The following CD2AP variants were observed in gnomAD, a reference collection of about 807,000 sequenced individuals.
CD2AP encodes the protein CD2 associated protein.
CD2AP carries 46 observed loss-of-function variants against 85.1 expected under a neutral mutation model. The observed-to-expected ratio is 0.54, with a 90% CI of 0.43 to 0.69. CD2AP has a LOEUF of 0.69. CD2AP is among the 30% of genes least tolerant of loss of function. The pLI is 0.00. For synonymous variants in CD2AP, 255 were observed against 252.9 expected, an observed-to-expected ratio of 1.01 and a Z score of -0.08; for missense variants, 769 against 729.5, an observed-to-expected ratio of 1.05 and a Z score of -0.62.
chr6:47,509,149 G>A (rs1478922419), intron 2 of CD2AP, among the ~76,000 whole-genome samples: 1 of 152,008 alleles, frequency 6.6e-6, no homozygotes, highest in African/African-American at 2.4e-5. Flanking sequence ...GGAGCCCTGA[G>A]GAGTGGGAAA....
At chr6:47,509,453 T>A (rs1406411255) in intron 2 of CD2AP, among the ~76,000 whole-genome samples, 2 of 136,824 alleles carry the variant, frequency 1.5e-5, no homozygotes, top group Non-Finnish European at 3.3e-5. Flanking sequence ...AAAAAAAAAA[T>A]TCAGTTATTT....
At chr6:47,578,717 T>C (rs886103418) in intron 8 of CD2AP, among the ~76,000 whole-genome samples, 2 of 151,400 alleles carry the variant, frequency 1.3e-5, no homozygotes, top group East Asian at 3.9e-4. Context: ...GCAGTGGTGG[T>C]GTGATCTCGG....
chr6:47,610,971 A>ATATATATATATCTATATATATATATTT, intron 16 of CD2AP, among the ~76,000 whole-genome samples: 1 of 112,908 alleles, frequency 8.9e-6, no homozygotes, highest in African/African-American at 3.6e-5. Context: ...ATATATATGT[A>ATATATATATATCTATATATATATATTT]TTTTTTTTTT....
Position 47,533,726 on chromosome 6 carries a change from C to A in CD2AP, c.290C>A (p.Pro97Gln). The change falls in exon 3 of 18, where the codon CCA becomes CAA. Residue 97 changes from proline to glutamine, a missense_variant. Pro to Gln is a moderately conservative substitution (Grantham distance 76, BLOSUM62 -1). Transcript: ENST00000359314. ...GGACTTCCAGCTGGAGGAATTCAGC[C>A]ACATCCACAAACCAAAAACATTAAG... ...TYGLPAGGIQ[P>Q]HPQTKNIKKK... 6.2e-7 allele frequency: 1 copy of A among 1,614,006 alleles called. No homozygotes were observed. The highest frequency in any genetic ancestry group is 8.5e-7 in the Non-Finnish European group (1 of 1,179,972).
At chr6:47,484,147 C>T (rs9296558) in intron 1 of CD2AP, among the ~76,000 whole-genome samples, 35,199 of 151,758 alleles carry the variant, frequency 0.23, 4,208 homozygotes, top group Non-Finnish European at 0.27. Context: ...TTTTGGCTTA[C>T]GTTAGGTAGA....
Position 47,503,922 on chromosome 6 carries a change from C to T in CD2AP, c.165+482C>T, listed in dbSNP as rs139919991. 2.8e-4 allele frequency among the ~76,000 whole-genome samples: 42 copies of T among 152,276 alleles called. No homozygotes were observed. In the East Asian group the frequency reaches 6.7e-3, roughly 24 times the overall value. ...GAACTGAAGTCTGGGACAGTTGCCT[C>T]GCTGGTCTTCTCATTATATTTTGTT... On this transcript the variant is annotated intron_variant, in intron 2 of 17. Coordinates refer to ENST00000359314, the MANE Select transcript of CD2AP (RefSeq NM_012120.3).
intron 1 of CD2AP, among the ~76,000 whole-genome samples, chr6:47,496,134 C>G (rs1582475804): frequency 6.6e-6 from 1 of 152,118 alleles, no homozygotes; most frequent in Non-Finnish European, 1.5e-5. Flanking sequence ...TCTCAGAGAA[C>G]ATCCATCAGA....
chr6:47,490,488 G>A (rs1288071079), intron 1 of CD2AP, among the ~76,000 whole-genome samples: 1 of 152,014 alleles, frequency 6.6e-6, no homozygotes, highest in Non-Finnish European at 1.5e-5. Flanking sequence ...GATGAAGAAT[G>A]ATAATATTTA....
rs900180348 is a variant in CD2AP at position 47,533,704 on chromosome 6, C to A, written c.268C>A (p.Leu90Ile). 6.2e-7 allele frequency: 1 copy of A among 1,614,108 alleles called. No homozygotes were observed. The highest frequency in any genetic ancestry group is 1.3e-5 in the African/African-American group (1 of 75,062). ...TGTACAACGAATAAGCACCTATGGA[C>A]TTCCAGCTGGAGGAATTCAGCCACA... Reference protein sequence around the residue: ...SLVQRISTYGLPAGGIQPHPQ... With the variant: ...SLVQRISTYGIPAGGIQPHPQ... The change falls in exon 3 of 18, where the codon CTT (leucine) becomes ATT (isoleucine). Residue 90 changes from leucine to isoleucine, a missense_variant. Physicochemically the swap from Leu to Ile is conservative, Grantham distance 5 (BLOSUM62 2). Transcript: ENST00000359314.
rs1236227057 is a variant in CD2AP at position 47,615,812 on chromosome 6, T to A, written c.1878+3276T>A. ...AATTTAATTTATTTATTTATTTATT[T>A]ATTTATTTATTTATTTATTAGCAGT... is the stretch of plus-strand genomic sequence containing the variant. On this transcript the variant is annotated intron_variant, in intron 17 of 17. Coordinates refer to ENST00000359314, the MANE Select transcript of CD2AP (RefSeq NM_012120.3). 7.4e-3 allele frequency among the ~76,000 whole-genome samples: 1,110 copies of A among 149,134 alleles called. 4 individuals are homozygous for A. The highest frequency in any genetic ancestry group is 0.018 in the South Asian group (86 of 4,710).
At chr6:47,585,130 AAAAAT>A (rs1272389829) in intron 11 of CD2AP, among the ~76,000 whole-genome samples, 1 of 151,632 alleles carries the variant, frequency 6.6e-6, no homozygotes, top group African/African-American at 2.4e-5. Flanking sequence ...CGTCTCTACT[AAAAAT>A]AAAATAAAAA....
intron 15 of CD2AP, among the ~76,000 whole-genome samples, chr6:47,608,504 A>G (rs537290578): frequency 6.6e-6 from 1 of 152,312 alleles, no homozygotes; most frequent in South Asian, 2.1e-4. Context: ...CAACTGAGAC[A>G]TAGATTTAAG....
At chr6:47,488,719 T>C in intron 1 of CD2AP, among the ~76,000 whole-genome samples, 2 of 40,844 alleles carry the variant, frequency 4.9e-5, no homozygotes, top group Non-Finnish European at 5.4e-5. Context: ...AGACTCCATC[T>C]CTCCAAAAAA....
At chr6:47,529,372 C>T (rs913969223) in intron 2 of CD2AP, among the ~76,000 whole-genome samples, 6 of 152,108 alleles carry the variant, frequency 3.9e-5, no homozygotes, top group Admixed American at 1.3e-4. Context: ...CTGGGTACTC[C>T]AGTTTCCTCC....
chr6:47,600,979 G>C (rs1474672614), intron 13 of CD2AP, among the ~76,000 whole-genome samples: 1 of 151,812 alleles, frequency 6.6e-6, no homozygotes, highest in Non-Finnish European at 1.5e-5. Flanking sequence ...GTAAAATCTG[G>C]AATCCACATC....
rs951060381 is a variant in CD2AP at position 47,483,018 on chromosome 6, G to T, written c.4+4770G>T. 3.4e-4 allele frequency among the ~76,000 whole-genome samples: 52 copies of T among 152,164 alleles called. 1 individual carries two copies. Among genetic ancestry groups the T allele is most frequent in the Admixed American group, 2.7e-3 (41 of 15,274 alleles). On this transcript the variant is annotated intron_variant, in intron 1 of 17. Transcript: ENST00000359314. ...TAAACTGATGAAGCAAGTTGTGAAA[G>T]ATCTGAAAGTTTTCAGATTTTATGT...
At chr6:47,523,603 A>G (rs1766650019) in intron 2 of CD2AP, among the ~76,000 whole-genome samples, 1 of 152,178 alleles carries the variant, frequency 6.6e-6, no homozygotes, top group South Asian at 2.1e-4. Context: ...AGCATTAACT[A>G]TTTTACACAT....
At chr6:47,566,906 A>G (rs1768019284) in intron 5 of CD2AP, among the ~76,000 whole-genome samples, 1 of 152,170 alleles carries the variant, frequency 6.6e-6, no homozygotes, top group Non-Finnish European at 1.5e-5. Context: ...GATATTGTAA[A>G]TAGTGCTGTA....
At chr6:47,550,270 CCA>C (rs1003860744) in intron 4 of CD2AP, among the ~76,000 whole-genome samples, 3 of 152,056 alleles carry the variant, frequency 2.0e-5, no homozygotes, top group African/African-American at 7.2e-5. Context: ...AGTAAACAGA[CCA>C]CAGAGTGGGA....
Sources: gnomAD v4.1 joint callset for allele counts (sites outside exome capture counted in the v4.1 genomes callset) on GRCh38, gnomAD v4.1.1 for gene constraint, MANE v1.5 for transcripts, NCBI Gene and HGNC (gene_info 2026-07-23, HGNC 2026-07-21) for gene names.